SIK3: variants seen among roughly 807,000 people sequenced by gnomAD.
The protein encoded by SIK3 is serine/threonine-protein kinase SIK3.
Under a neutral mutation model 144.2 loss-of-function variants are expected in SIK3, and 28 were observed. The ratio of observed to expected loss-of-function variants is 0.19; its 90% confidence interval spans 0.14 to 0.27. SIK3 has a LOEUF of 0.27. Among genes scored for constraint, SIK3 ranks in the 10% least tolerant of loss-of-function variants. The pLI is 1.00. For missense variants in SIK3, 1,319 were observed against 1,776.0 expected, an observed-to-expected ratio of 0.74 and a Z score of 4.62; for synonymous variants, 686 against 676.3, an observed-to-expected ratio of 1.01 and a Z score of -0.22.
At position 116,910,833 on chromosome 11, in the gene SIK3, A is replaced by G. The variant is rs1185105905; in HGVS notation, c.617-13516T>C. Among the ~76,000 whole-genome samples the G allele has an allele frequency of 4.6e-5, 7 of 152,376 alleles. No individual in the cohort carries two copies. The East Asian group carries it at 1.3e-3, about 29-fold the overall frequency. On this transcript the variant is annotated intron_variant, in intron 4 of 24. Coordinates refer to ENST00000445177, the MANE Select transcript of SIK3 (RefSeq NM_001366686.3). ...GAAAAACAAGAACAACAACAACAAA[A>G]AAAACACAGAAACTTAAGGCAAAGA...
rs1381283823 is a variant in SIK3, at chr11:117,098,364, C to T, written c.52G>A (p.Gly18Arg). ...GAGGAAGAGT[G>R]GAGPAGRLLP... ...AGGCGGCCCGCGGGCCCGGCTCCCC[C>T]AGTCCCGGCCCCGGCAGCCCCGCCA... The change falls in exon 1 of 25, where the codon GGG becomes AGG. Residue 18 changes from glycine to arginine, a missense_variant. Around this residue, in one of 8 missense-constraint regions of SIK3, gnomAD observed 114 missense variants for 116.2 expected, o/e 0.98. Coordinates refer to ENST00000445177, the MANE Select transcript of SIK3 (RefSeq NM_001366686.3). The T allele has an allele frequency of 2.6e-6, 3 of 1,165,606 alleles. No individual in the cohort carries two copies. The highest frequency in any genetic ancestry group is 2.1e-6 in the Non-Finnish European group (2 of 947,698). The allele number at this position is 1,165,606 out of a possible 1,614,324, so 72.2% of individuals were successfully genotyped here.
chr11:117,085,159 T>C (rs1303626415), intron 1 of SIK3, among the ~76,000 whole-genome samples: 3 of 152,108 alleles, frequency 2.0e-5, no homozygotes, highest in African/African-American at 7.2e-5. Flanking sequence ...TCACACAGGC[T>C]GGAATGCAGT....
intron 6 of SIK3, among the ~76,000 whole-genome samples, chr11:116,881,583 G>A (rs909154214): frequency 6.6e-6 from 1 of 151,912 alleles, no homozygotes; most frequent in African/African-American, 2.4e-5. Context: ...ATTTCTCTAA[G>A]TGGTTACAAC....
At chr11:117,038,558 T>C (rs556713754) in intron 1 of SIK3, among the ~76,000 whole-genome samples, 1 of 151,686 alleles carries the variant, frequency 6.6e-6, no homozygotes, top group East Asian at 2.0e-4. Context: ...GGTTTCACCA[T>C]GTTGGCCAGG....
chr11:116,858,722 C>G lies in SIK3; in HGVS notation c.2766-23G>C, dbSNP rs1943135515. The G allele has an allele frequency of 6.6e-7, 1 of 1,521,488 alleles. No homozygotes were observed. The highest frequency in any genetic ancestry group is 2.2e-5 in the Admixed American group (1 of 45,558). 94.2% of individuals were successfully genotyped at this position (1,521,488 alleles called of 1,614,324 possible). A position where few individuals can be genotyped will look rare whatever the true frequency, so the allele number is the denominator to read the frequency against. On this transcript the variant is annotated intron_variant, in intron 20 of 24. Coordinates refer to ENST00000445177, the MANE Select transcript of SIK3 (RefSeq NM_001366686.3). The surrounding 1 kb of genome is among the most constrained non-coding windows in gnomAD (Gnocchi z 5.4). ...AAGCTGCAGACACAAAAGGGAGTACCAGACATCCATGTAACAAGTACTAGA... is the reference window on the plus strand; with the variant it reads ...AAGCTGCAGACACAAAAGGGAGTACGAGACATCCATGTAACAAGTACTAGA...
At chr11:117,014,879 C>T (rs1015400455) in intron 1 of SIK3, among the ~76,000 whole-genome samples, 2 of 152,084 alleles carry the variant, frequency 1.3e-5, no homozygotes, top group Non-Finnish European at 2.9e-5. Flanking sequence ...GCCTGGGCAA[C>T]ATGGCAAGAC....
rs1486209878 is a variant in SIK3 at position 116,847,609 on chromosome 11, C to G, written c.3820-1G>C. 3.1e-6 allele frequency: 5 copies of G among 1,614,066 alleles called. No homozygotes were observed. Among genetic ancestry groups the G allele is most frequent in the Non-Finnish European group, 4.2e-6 (5 of 1,180,050 alleles). ...TTCCTGGCAAGTTATCCAGCTGTACCTGCAGAAAACAGTTAAGAGAAGAAA... is the reference window on the plus strand; with the variant it reads ...TTCCTGGCAAGTTATCCAGCTGTACGTGCAGAAAACAGTTAAGAGAAGAAA... On this transcript the variant is annotated splice_acceptor_variant, in intron 22 of 24. Coordinates refer to ENST00000445177, the MANE Select transcript of SIK3 (RefSeq NM_001366686.3). LOFTEE classifies it high-confidence loss of function.
Position 116,938,578 on chromosome 11 carries a change from G to GGACGGGATGGA in SIK3, c.455-11199_455-11198insTCCATCCCGTC, listed in dbSNP as rs1948095167. 7.1e-5 allele frequency among the ~76,000 whole-genome samples: 4 copies of GGACGGGATGGA among 56,694 alleles called. 1 individual carries two copies. Among genetic ancestry groups the GGACGGGATGGA allele is most frequent in the Non-Finnish European group, 6.0e-5 (2 of 33,130 alleles). The allele number at this position is 56,694 out of a possible 152,430, so 37.2% of individuals were successfully genotyped here. ...GAGGGGAGGGGAGGGGAGGGGAGGGGAGGGGAGGAGAGGAGAGGGGAGGAG... is the reference window on the plus strand; with the variant it reads ...GAGGGGAGGGGAGGGGAGGGGAGGGGGACGGGATGGAAGGGGAGGAGAGGAGAGGGGAGGAG... On this transcript the variant is annotated intron_variant, in intron 3 of 24. Coordinates refer to ENST00000445177, the MANE Select transcript of SIK3 (RefSeq NM_001366686.3).
intron 1 of SIK3, among the ~76,000 whole-genome samples, chr11:117,009,232 CAAA>C (rs397848244): frequency 2.2e-4 from 17 of 78,476 alleles, no homozygotes; most frequent in Admixed American, 1.2e-3. Context: ...GACACTGTCT[CAAA>C]AAAAAAAAAA....
chr11:117,016,392 G>GGGGGA (rs1951533708), intron 1 of SIK3, among the ~76,000 whole-genome samples: 1 of 125,504 alleles, frequency 8.0e-6, no homozygotes, highest in Non-Finnish European at 1.6e-5. Context: ...GAGAGGGAGG[G>GGGGGA]AGGGAAGGAA....
chr11:117,016,418 A>AGGAAGGAT (rs1190561672), intron 1 of SIK3, among the ~76,000 whole-genome samples: 17 of 148,748 alleles, frequency 1.1e-4, no homozygotes, highest in Non-Finnish European at 2.2e-4. Context: ...GAAGGAAGGA[A>AGGAAGGAT]GGAAGGAAGG....
At chr11:116,880,158 A>C (rs7396061) in intron 6 of SIK3, among the ~76,000 whole-genome samples, 78,585 of 151,882 alleles carry the variant, frequency 0.52, 22,155 homozygotes, top group Non-Finnish European at 0.65. Context: ...AATAACAACA[A>C]CACCACCACA....
chr11:116,876,079 A>C, intron 8 of SIK3, 70 bp from the exon 9 acceptor site: 2 of 1,585,672 alleles, frequency 1.3e-6, no homozygotes, highest in South Asian at 1.1e-5. Context: ...GAACCCTTTC[A>C]GTAATAACAT....
chr11:117,014,507 T>C (rs928154268), intron 1 of SIK3, among the ~76,000 whole-genome samples: 2 of 151,350 alleles, frequency 1.3e-5, no homozygotes, highest in South Asian at 2.1e-4. Context: ...AATTTATTTA[T>C]CAAAAGACAC....
intron 1 of SIK3, among the ~76,000 whole-genome samples, chr11:117,009,470 G>A (rs1951171974): frequency 6.6e-6 from 1 of 151,516 alleles, no homozygotes; most frequent in Admixed American, 6.6e-5. Flanking sequence ...TGATGCAGGA[G>A]TATCACTTGA....
At position 116,861,354 on chromosome 11, in the gene SIK3, G is replaced by A. The variant is rs756103530; in HGVS notation, c.2345C>T (p.Pro782Leu). The A allele has an allele frequency of 4.1e-5, 65 of 1,597,548 alleles. No individual in the cohort carries two copies. Among genetic ancestry groups the A allele is most frequent in the Non-Finnish European group, 5.5e-5 (65 of 1,174,814 alleles). The change falls in exon 19 of 25, where the codon CCC becomes CTC. Residue 782 changes from proline (P) to leucine (L), a missense_variant. By Grantham distance (98) the Pro-to-Leu change is moderately conservative. Coordinates refer to ENST00000445177, the MANE Select transcript of SIK3 (RefSeq NM_001366686.3). The part of the protein sequence containing the change: ...RLRIQPSSPP[P>L]NHPNNHLFRQ... ...GAAGAGATGGTTGTTGGGGTGGTTGGGGGGTGGGCTTGAAGGCTGAATCCT... is the reference window on the plus strand; with the variant it reads ...GAAGAGATGGTTGTTGGGGTGGTTGAGGGGTGGGCTTGAAGGCTGAATCCT...
chr11:116,904,090 G>A (rs1378150941), intron 4 of SIK3, among the ~76,000 whole-genome samples: 1 of 152,046 alleles, frequency 6.6e-6, no homozygotes, highest in Non-Finnish European at 1.5e-5. Flanking sequence ...TATGTAACAT[G>A]TATTTATGGA....
intron 1 of SIK3, among the ~76,000 whole-genome samples, chr11:116,975,883 G>A (rs1024962612): frequency 2.6e-5 from 4 of 152,068 alleles, no homozygotes; most frequent in African/African-American, 7.2e-5. Flanking sequence ...ACTTGTTATT[G>A]TCCATCTTTT....
rs556574198 is a variant in SIK3, at chr11:117,084,655, T to C, written c.273+13488A>G. On this transcript the variant is annotated intron_variant, in intron 1 of 24. Transcript: ENST00000445177. ...TACCAGTTGCTCATTATTACAGTTA[T>C]GTAATTTAATTAAATAGAATGTAAA... Among the ~76,000 whole-genome samples, 19 of 152,320 alleles carry C rather than the reference T, an allele frequency of 1.2e-4. 1 individual carries two copies. In the South Asian group the frequency reaches 3.7e-3, roughly 30 times the overall value.
Sources: gnomAD v4.1 joint callset for allele counts (sites outside exome capture counted in the v4.1 genomes callset) on GRCh38, gnomAD v4.1.1 for gene constraint, gnomAD v4.1.1 regional missense constraint, Gnocchi (gnomAD v3.1) non-coding constraint, MANE v1.5 for transcripts, NCBI Gene and HGNC (gene_info 2026-07-23, HGNC 2026-07-21) for gene names.